The following CREB3L2 variants were observed in gnomAD, a reference collection of about 807,000 sequenced individuals.
CREB3L2 encodes the protein cAMP responsive element binding protein 3 like 2.
Under a neutral mutation model 57.2 loss-of-function variants are expected in CREB3L2, and 23 were observed. That is an observed-to-expected ratio of 0.40 (90% CI 0.29 to 0.57). The LOEUF (loss-of-function observed/expected upper bound fraction) is 0.57, where lower values mean the gene tolerates loss of function less well. Among genes scored for constraint, CREB3L2 ranks in the 20% least tolerant of loss-of-function variants. CREB3L2 has a pLI of 0.42. For synonymous variants in CREB3L2, 268 were observed against 265.1 expected (o/e 1.01, Z -0.11); for missense variants, 628 against 634.7 (o/e 0.99, Z 0.11).
At chr7:137,922,390 A>ATATATACG (rs1554498004) in intron 2 of CREB3L2, among the ~76,000 whole-genome samples, 8 of 18,292 alleles carry the variant, frequency 4.4e-4, no homozygotes, top group Non-Finnish European at 6.5e-4. Flanking sequence ...ATATGTATAT[A>ATATATACG]TATATATATA....
intron 1 of CREB3L2, among the ~76,000 whole-genome samples, chr7:137,954,387 T>G (rs1801166246): frequency 6.6e-6 from 1 of 151,996 alleles, no homozygotes; most frequent in African/African-American, 2.4e-5. Context: ...GAAGTAGGGG[T>G]GGACCCAGGC....
intron 1 of CREB3L2, among the ~76,000 whole-genome samples, chr7:137,981,491 T>C (rs1403274007): frequency 1.3e-5 from 2 of 152,056 alleles, no homozygotes; most frequent in Admixed American, 1.3e-4. Context: ...AACCAGGAAG[T>C]AGAGAACAAG....
intron 1 of CREB3L2, among the ~76,000 whole-genome samples, chr7:137,972,700 A>ACAACAAC (rs1448937519): frequency 3.9e-4 from 15 of 38,468 alleles, no homozygotes; most frequent in African/African-American, 2.5e-3. Context: ...AAAAAAAAAA[A>ACAACAAC]AAAAAAAAAA....
At chr7:137,993,798 T>C (rs1801940942) in intron 1 of CREB3L2, among the ~76,000 whole-genome samples, 1 of 152,246 alleles carries the variant, frequency 6.6e-6, no homozygotes. Flanking sequence ...CTGGGCATCC[T>C]GCACTTGACT....
chr7:137,966,316 T>C (rs1801406416), intron 1 of CREB3L2, among the ~76,000 whole-genome samples: 1 of 152,222 alleles, frequency 6.6e-6, no homozygotes, highest in Admixed American at 6.5e-5. Flanking sequence ...AAAAATTATG[T>C]CCAATAAGTT....
intron 1 of CREB3L2, among the ~76,000 whole-genome samples, chr7:137,929,988 G>A (rs958565526): frequency 9.2e-5 from 14 of 151,712 alleles, no homozygotes; most frequent in African/African-American, 3.1e-4. Flanking sequence ...CCGCCTCCCA[G>A]GTTCCCGCCA....
chr7:137,890,279 T>C (rs1799505964), intron 8 of CREB3L2, among the ~76,000 whole-genome samples: 1 of 152,168 alleles, frequency 6.6e-6, no homozygotes, highest in Non-Finnish European at 1.5e-5. Flanking sequence ...AAAGATAAAA[T>C]GCAGATAATA....
chr7:137,922,576 G>C (rs540979016), intron 2 of CREB3L2: 192 of 427,280 alleles, frequency 4.5e-4, no homozygotes, highest in African/African-American at 3.8e-3. Context: ...ATCAGATGAC[G>C]TACTACCACT....
Position 137,960,961 on chromosome 7 carries a change from G to A in CREB3L2, c.103-32595C>T, listed in dbSNP as rs577317800. Among the ~76,000 whole-genome samples, 21 of 151,610 alleles carry A rather than the reference G, an allele frequency of 1.4e-4. No homozygotes were observed. The South Asian group carries it at 2.7e-3, about 20-fold the overall frequency. On this transcript the variant is annotated intron_variant, in intron 1 of 11. Coordinates refer to ENST00000330387, the MANE Select transcript of CREB3L2 (RefSeq NM_194071.4). Reference sequence around the variant, plus strand: ...CCCGAGTAGCTGAGATTAGAGGTGTGTGCCACCACACCCGGCTAATTTTAG... The same window carrying A: ...CCCGAGTAGCTGAGATTAGAGGTGTATGCCACCACACCCGGCTAATTTTAG...
intron 11 of CREB3L2, among the ~76,000 whole-genome samples, chr7:137,881,526 C>A (rs1386802473): frequency 6.6e-6 from 1 of 152,150 alleles, no homozygotes; most frequent in Admixed American, 6.5e-5. Context: ...ATAGTAAGTG[C>A]TAGTAAATGT....
chr7:138,002,081 G>T lies in CREB3L2; in HGVS notation c.-376C>A, dbSNP rs150716902. On this transcript the variant is annotated 5_prime_UTR_variant, in exon 1 of 12. Transcript: ENST00000330387. ...ACTTTGAGGGACCCCAGGGCTCCTC[G>T]GCTCTGCTCCAGGACCCAGCTGCGG... 4.3e-4 allele frequency: 115 copies of T among 267,726 alleles called. No homozygotes were observed. Among genetic ancestry groups the T allele is most frequent in the African/African-American group, 2.3e-3 (106 of 46,392 alleles). The allele number at this position is 267,726 out of a possible 1,614,324, so 16.6% of individuals were successfully genotyped here.
chr7:137,885,445 T>C lies in CREB3L2; in HGVS notation c.1101A>G (p.Arg367=). The C allele has an allele frequency of 1.2e-6, 2 of 1,614,184 alleles. No homozygotes were observed. Among genetic ancestry groups the C allele is most frequent in the East Asian group, 2.2e-5 (1 of 44,876 alleles). The change falls in exon 9 of 12, where the codon CGA becomes CGG. Residue 367 remains arginine, a synonymous_variant. Coordinates refer to ENST00000330387, the MANE Select transcript of CREB3L2 (RefSeq NM_194071.4). ...LQTLVMGKVS[R]TCKLAGTQTG... Reference sequence around the variant, plus strand: ...TCTGCGTGCCAGCTAACTTGCAGGTTCGAGAAACCTTGCCCATCACCAAAG... The same window carrying C: ...TCTGCGTGCCAGCTAACTTGCAGGTCCGAGAAACCTTGCCCATCACCAAAG...
At chr7:137,986,157 A>T (rs1354667321) in intron 1 of CREB3L2, among the ~76,000 whole-genome samples, 1 of 152,218 alleles carries the variant, frequency 6.6e-6, no homozygotes, top group Non-Finnish European at 1.5e-5. Context: ...CCAGAACCAG[A>T]TTGTAAGCCT....
intron 7 of CREB3L2, among the ~76,000 whole-genome samples, chr7:137,903,403 T>C (rs924123317): frequency 6.6e-6 from 1 of 152,174 alleles, no homozygotes; most frequent in African/African-American, 2.4e-5. Context: ...AAGACAAAAC[T>C]GTATTTAATT....
At position 137,913,017 on chromosome 7, in the gene CREB3L2, T is replaced by C. The variant is rs777394688; in HGVS notation, c.557A>G (p.Gln186Arg). The C allele has an allele frequency of 3.7e-6, 6 of 1,613,916 alleles. No homozygotes were observed. The South Asian group carries it at 6.6e-5, about 18-fold the overall frequency. The part of the protein sequence containing the change: ...KIKLEPHEVD[Q>R]FLNFSPKEAP... ...TTCTTTAGGAGAGAAGTTTAGAAACTGATCCACTTCATGAGGCTCCAGCTT... is the reference window on the plus strand; with the variant it reads ...TTCTTTAGGAGAGAAGTTTAGAAACCGATCCACTTCATGAGGCTCCAGCTT... The change falls in exon 4 of 12, where the codon CAG (glutamine) becomes CGG (arginine). Residue 186 changes from glutamine to arginine, a missense_variant. By Grantham distance (43) the Gln-to-Arg change is conservative. Coordinates refer to ENST00000330387, the MANE Select transcript of CREB3L2 (RefSeq NM_194071.4).
At chr7:137,971,316 G>A (rs532292427) in intron 1 of CREB3L2, among the ~76,000 whole-genome samples, 18 of 152,280 alleles carry the variant, frequency 1.2e-4, no homozygotes, top group Non-Finnish European at 2.2e-4. Context: ...CGGGTGTGGT[G>A]GCGGGCGCCT....
chr7:137,997,787 G>T (rs1802011250), intron 1 of CREB3L2, among the ~76,000 whole-genome samples: 1 of 152,020 alleles, frequency 6.6e-6, no homozygotes, highest in Non-Finnish European at 1.5e-5. Context: ...ACAATTCCCA[G>T]AAAGTAATTT....
Position 137,898,078 on chromosome 7 carries a change from C to A in CREB3L2, c.1043+3276G>T, listed in dbSNP as rs71541368. ...CATACAACTCAATATCAAAAACAAC[C>A]AATTTTAAAAAATGGGCAAAGAATC... On this transcript the variant is annotated intron_variant, in intron 8 of 11. Coordinates refer to ENST00000330387, the MANE Select transcript of CREB3L2 (RefSeq NM_194071.4). Among the ~76,000 whole-genome samples, 242 of 152,132 alleles carry A rather than the reference C, an allele frequency of 1.6e-3. 1 individual carries two copies. Among genetic ancestry groups the A allele is most frequent in the Non-Finnish European group, 2.5e-3 (173 of 67,984 alleles).
chr7:138,001,718 C>G lies in CREB3L2; in HGVS notation c.-13G>C, dbSNP rs776596612. The G allele has an allele frequency of 2.2e-5, 35 of 1,595,472 alleles. No homozygotes were observed. The South Asian group carries it at 3.6e-4, about 16-fold the overall frequency. Reference sequence around the variant, plus strand: ...CCAGCACCTCCATGGCGGTGCGGGCCGCGCTGGGCCGAGGATGCTAAGCGC... The same window carrying G: ...CCAGCACCTCCATGGCGGTGCGGGCGGCGCTGGGCCGAGGATGCTAAGCGC... On this transcript the variant is annotated 5_prime_UTR_variant, in exon 1 of 12. Transcript: ENST00000330387. The surrounding 1 kb of genome is among the most constrained non-coding windows in gnomAD (Gnocchi z 4.2).
Sources: allele counts gnomAD v4.1 joint callset (sites outside exome capture counted in the v4.1 genomes callset), GRCh38; gene constraint gnomAD v4.1.1; non-coding constraint Gnocchi (gnomAD v3.1); transcripts MANE v1.5; gene names NCBI Gene and HGNC (gene_info 2026-07-23, HGNC 2026-07-21).